The following CEP295NL variants were observed in gnomAD, a reference collection of about 807,000 sequenced individuals.
CEP295NL encodes CEP295 N-terminal like, also known as protein DDC8 homolog.
CEP295NL carries 3 observed loss-of-function variants against 4.6 expected under a neutral mutation model. That is an observed-to-expected ratio of 0.65 (90% CI 0.30 to 1.69). CEP295NL has a LOEUF of 1.69. CEP295NL is among the 40% of genes most tolerant of loss of function. The probability of loss-of-function intolerance (pLI) is 0.10; values close to 1 mark genes in which losing one functional copy is unlikely to be tolerated. For missense variants in CEP295NL, 719 were observed against 769.0 expected (o/e 0.93, Z 0.77); for synonymous variants, 295 against 312.2 (o/e 0.94, Z 0.58).
chr17:78,891,471 A>G lies in CEP295NL; in HGVS notation c.1033T>C (p.Phe345Leu), dbSNP rs1329339389. ...NKWQKELELA[F>L]EELFNINRKL... ...CTGTTTATATTAAACAACTCTTCAA[A>G]GGCCAACTCCAGCTCTTTCTGCCAC... The change falls in exon 3 of 3, where the codon TTT (phenylalanine) becomes CTT (leucine). Residue 345 changes from phenylalanine to leucine, a missense_variant. Transcript: ENST00000322630. The surrounding 1 kb of genome is among the most constrained non-coding windows in gnomAD (Gnocchi z 4.5). 5 of 1,550,992 alleles carry G rather than the reference A, an allele frequency of 3.2e-6. No homozygotes were observed. The highest frequency in any genetic ancestry group is 2.0e-5 in the Admixed American group (1 of 50,976).
At chr17:78,892,778 A>G (rs1163439002) in intron 2 of CEP295NL, among the ~76,000 whole-genome samples, 1 of 152,140 alleles carries the variant, frequency 6.6e-6, no homozygotes, top group Non-Finnish European at 1.5e-5. Flanking sequence ...AGCTGGGTGG[A>G]GGCGAGGGAG....
Position 78,896,548 on chromosome 17 carries a change from T to C in CEP295NL, c.45-4089A>G, listed in dbSNP as rs573851770. On this transcript the variant is annotated intron_variant, in intron 2 of 2. Coordinates refer to ENST00000322630, the MANE Select transcript of CEP295NL (RefSeq NM_001243540.2). The surrounding 1 kb of genome is among the most constrained non-coding windows in gnomAD (Gnocchi z 4.4). The stretch of plus-strand genomic sequence containing the variant: ...AGGGGCAGGGGTCCTGGCGCTCCTC[T>C]GTCCTCCACATCCTCTGAGTGTTCT... 2.0e-5 allele frequency among the ~76,000 whole-genome samples: 3 copies of C among 152,284 alleles called. No homozygotes were observed. In the East Asian group the frequency reaches 5.8e-4, roughly 29 times the overall value.
rs2069998415 is a variant in CEP295NL, at chr17:78,896,285, G to A, written c.45-3826C>T. Among the ~76,000 whole-genome samples the A allele has an allele frequency of 6.6e-6, 1 of 152,208 alleles. No individual in the cohort carries two copies. ...ACAGAGCCTTAGCTGAGCCCAAGAT[G>A]ACCAAGGAGAAACAGCCGTTCACCT... On this transcript the variant is annotated intron_variant, in intron 2 of 2. Transcript: ENST00000322630. The surrounding 1 kb of genome is among the most constrained non-coding windows in gnomAD (Gnocchi z 4.4).
chr17:78,893,234 C>G (rs1568001034), intron 2 of CEP295NL, among the ~76,000 whole-genome samples: 1 of 96,730 alleles, frequency 1.0e-5, no homozygotes, highest in East Asian at 3.3e-4. Context: ...GGTGTGTGTG[C>G]ATGTGTGTGT....
At position 78,891,510 on chromosome 17, in the gene CEP295NL, G is replaced by T. The variant is rs1271364587; in HGVS notation, c.994C>A (p.Arg332=). 1.3e-6 allele frequency: 2 copies of T among 1,551,072 alleles called. No homozygotes were observed. Among genetic ancestry groups the T allele is most frequent in the Non-Finnish European group, 1.7e-6 (2 of 1,147,112 alleles). Residue 332 remains arginine, a synonymous_variant, in exon 3 of 3, where the codon CGG becomes AGG. Coordinates refer to ENST00000322630, the MANE Select transcript of CEP295NL (RefSeq NM_001243540.2). The surrounding 1 kb of genome is among the most constrained non-coding windows in gnomAD (Gnocchi z 4.5). ...AVSPASQCTL[R]EKNKWQKELE... ...TCTTTCTGCCACTTGTTCTTCTCCC[G>T]GAGCGTGCACTGAGATGCTGGGGAC...
chr17:78,890,764 G>T lies in CEP295NL; in HGVS notation c.1740C>A (p.Ala580=). The T allele has an allele frequency of 6.4e-7, 1 of 1,550,616 alleles. No homozygotes were observed. Among genetic ancestry groups the T allele is most frequent in the Non-Finnish European group, 8.7e-7 (1 of 1,147,008 alleles). The change falls in exon 3 of 3, where the codon GCC becomes GCA. Residue 580 remains alanine, a synonymous_variant. Transcript: ENST00000322630. ...STTSPSGTSL[A]DDDRHSQMIR... is the part of the protein sequence containing the mutation. ...TCATCTGACTGTGCCGGTCGTCGTC[G>T]GCGAGGCTGGTGCCCGATGGGGAAG...
rs1029098852 is a variant in CEP295NL at position 78,891,997 on chromosome 17, C to T, written c.507G>A (p.Lys169=). Reference sequence around the variant, plus strand: ...TCTCTTCACTAAGGGCTGCTCTATGCTTCTCCTTGGCCCTCGGGGGCCTGG... The same window carrying T: ...TCTCTTCACTAAGGGCTGCTCTATGTTTCTCCTTGGCCCTCGGGGGCCTGG... ...RSARPPRAKE[K]HRAALSEERS... The change falls in exon 3 of 3, where the codon AAG becomes AAA. Residue 169 remains lysine, a synonymous_variant. Coordinates refer to ENST00000322630, the MANE Select transcript of CEP295NL (RefSeq NM_001243540.2). This position sits in a 1 kb window ranked among gnomAD's most constrained non-coding sequence, Gnocchi z 4.5. 12 of 1,550,616 alleles carry T rather than the reference C, an allele frequency of 7.7e-6. No homozygotes were observed. The highest frequency in any genetic ancestry group is 3.3e-4 in the Middle Eastern group (2 of 6,014).
chr17:78,890,858 C>T lies in CEP295NL; in HGVS notation c.1646G>A (p.Arg549Gln), dbSNP rs2069878585. The T allele has an allele frequency of 8.4e-6, 13 of 1,550,606 alleles. No individual in the cohort carries two copies. In the East Asian group the frequency reaches 1.2e-4, roughly 15 times the overall value. ...EKERREQRRA[R>Q]LAHLKSSSTR... ...GGAGGAGGACTTCAGATGGGCCAGT[C>T]GAGCTCTTCTTTGCTCCCTCCTCTC... Residue 549 changes from arginine (R) to glutamine (Q), a missense_variant, in exon 3 of 3, where the codon CGA (arginine) becomes CAA (glutamine). Coordinates refer to ENST00000322630, the MANE Select transcript of CEP295NL (RefSeq NM_001243540.2).
At chr17:78,899,139 G>A (rs1424439744) in intron 2 of CEP295NL, 1 of 152,308 alleles carries the variant, frequency 6.6e-6, no homozygotes, top group African/African-American at 2.4e-5. Flanking sequence ...GCTGCCATCT[G>A]GGGGACCACG....
At position 78,901,781 on chromosome 17, in the gene CEP295NL, T is replaced by C. The variant is rs369246824; in HGVS notation, c.44+4A>G. 2.1e-4 allele frequency: 150 copies of C among 717,192 alleles called. 3 individuals carry two copies. Among genetic ancestry groups the C allele is most frequent in the African/African-American group, 9.6e-4 (55 of 57,294 alleles). The allele number at this position is 717,192 out of a possible 1,614,324, so 44.4% of individuals were successfully genotyped here. A position where few individuals can be genotyped will look rare whatever the true frequency, so the allele number is the denominator to read the frequency against. The stretch of plus-strand genomic sequence containing the variant: ...AATGCTTGGGGAAGAGGGGTGGTAC[T>C]TACTGTGTGTGTCTCCAGATGACTG... On this transcript the variant is annotated splice_donor_region_variant and intron_variant, in intron 2 of 2. Coordinates refer to ENST00000322630, the MANE Select transcript of CEP295NL (RefSeq NM_001243540.2).
intron 2 of CEP295NL, chr17:78,897,819 C>T (rs2070027440): frequency 6.6e-6 from 1 of 152,236 alleles, no homozygotes; most frequent in Admixed American, 6.5e-5. Flanking sequence ...GCTAGAGTCA[C>T]TGCAACATGA....
intron 2 of CEP295NL, chr17:78,898,713 G>A (rs1380085607): frequency 6.6e-6 from 1 of 152,410 alleles, no homozygotes; most frequent in African/African-American, 2.4e-5. Context: ...TCTGGGTGGG[G>A]CCCAAGACTC....
chr17:78,893,265 G>A (rs530284288), intron 2 of CEP295NL, among the ~76,000 whole-genome samples: 3 of 148,894 alleles, frequency 2.0e-5, no homozygotes, highest in East Asian at 2.0e-4. Flanking sequence ...GTGCAGGGGT[G>A]TGTGTGTAGG....
intron 2 of CEP295NL, chr17:78,897,861 G>A (rs1344517282): frequency 6.6e-6 from 1 of 152,210 alleles, no homozygotes; most frequent in Non-Finnish European, 1.5e-5. Context: ...GAGCCAGCGG[G>A]GCTGCTGTGT....
In CEP295NL at chr17:78,890,972, T is replaced by C. The variant is rs1466954525; in HGVS notation, c.1532A>G (p.Gln511Arg). The C allele has an allele frequency of 4.5e-6, 7 of 1,551,124 alleles. No individual in the cohort carries two copies. Among genetic ancestry groups the C allele is most frequent in the Non-Finnish European group, 6.1e-6 (7 of 1,147,148 alleles). Residue 511 changes from glutamine (Q) to arginine (R), a missense_variant, in exon 3 of 3, where the codon CAG becomes CGG. Coordinates refer to ENST00000322630, the MANE Select transcript of CEP295NL (RefSeq NM_001243540.2). ...SRQRQKAEME[Q>R]RRQKQLESLE... is the part of the protein sequence containing the mutation. ...CGATTCCAGTTGTTTTTGTCTTCTC[T>C]GCTCCATCTCTGCTTTCTGCCTTTG...
intron 2 of CEP295NL, among the ~76,000 whole-genome samples, chr17:78,893,525 CTGTTTA>C (rs944109505): frequency 2.2e-4 from 32 of 145,838 alleles, no homozygotes; most frequent in African/African-American, 8.3e-4. Flanking sequence ...GTGTGCACAT[CTGTTTA>C]TGTTTCTGTG....
At chr17:78,895,384 G>A (rs770543140) in intron 2 of CEP295NL, among the ~76,000 whole-genome samples, 54 of 152,260 alleles carry the variant, frequency 3.5e-4, no homozygotes, top group Non-Finnish European at 5.4e-4. Context: ...CATGTTCAAC[G>A]GCAGCGGTCT....
chr17:78,891,726 C>T lies in CEP295NL; in HGVS notation c.778G>A (p.Val260Met). 6.4e-7 allele frequency: 1 copy of T among 1,551,232 alleles called. No homozygotes were observed. The highest frequency in any genetic ancestry group is 8.7e-7 in the Non-Finnish European group (1 of 1,147,130). The change falls in exon 3 of 3, where the codon GTG (valine) becomes ATG (methionine). Residue 260 changes from valine (V) to methionine (M), a missense_variant. Physicochemically the swap from Val to Met is conservative, Grantham distance 21 (BLOSUM62 1). Transcript: ENST00000322630. The surrounding 1 kb of genome is among the most constrained non-coding windows in gnomAD (Gnocchi z 4.5). Reference protein sequence around the residue: ...LERSNPLVAAVGEIGLVEEKE... With the variant: ...LERSNPLVAAMGEIGLVEEKE... ...TCCTCCACAAGCCCGATTTCTCCCACAGCAGCCACGAGTGGGTTTGACCTT... is the reference window on the plus strand; with the variant it reads ...TCCTCCACAAGCCCGATTTCTCCCATAGCAGCCACGAGTGGGTTTGACCTT...
At position 78,903,178 on chromosome 17, in the gene CEP295NL, C is replaced by G. The variant is rs992494994; in HGVS notation, c.-143G>C. On this transcript the variant is annotated 5_prime_UTR_variant, in exon 1 of 3. Coordinates refer to ENST00000322630, the MANE Select transcript of CEP295NL (RefSeq NM_001243540.2). ...TTCCCCGCCTCCACCTGCAGCCCGGCCTCTGCCCTGGCTGGCTACTCATAG... is the reference window on the plus strand; with the variant it reads ...TTCCCCGCCTCCACCTGCAGCCCGGGCTCTGCCCTGGCTGGCTACTCATAG... The G allele has an allele frequency of 2.6e-5, 4 of 152,664 alleles. No individual in the cohort carries two copies. Among genetic ancestry groups the G allele is most frequent in the Non-Finnish European group, 5.9e-5 (4 of 68,282 alleles). 9.5% of individuals were successfully genotyped at this position (152,664 alleles called of 1,614,324 possible). A position where few individuals can be genotyped will look rare whatever the true frequency, so the allele number is the denominator to read the frequency against.
Sources: gnomAD v4.1 joint callset for allele counts (sites outside exome capture counted in the v4.1 genomes callset) on GRCh38, gnomAD v4.1.1 for gene constraint, Gnocchi (gnomAD v3.1) non-coding constraint, MANE v1.5 for transcripts, NCBI Gene and HGNC (gene_info 2026-07-23, HGNC 2026-07-21) for gene names.